CDYL: variants seen among roughly 807,000 people sequenced by gnomAD.
CDYL encodes chromodomain Y like.
Under a neutral mutation model 47.3 loss-of-function variants are expected in CDYL, and 8 were observed. The observed-to-expected ratio is 0.17, with a 90% confidence interval of 0.10 to 0.31. The LOEUF (loss-of-function observed/expected upper bound fraction) is 0.31, where lower values mean the gene tolerates loss of function less well. Ranked by LOEUF, CDYL falls within the 10% of genes least tolerant of loss-of-function variation. The probability of loss-of-function intolerance (pLI) is 1.00; values close to 1 mark genes in which losing one functional copy is unlikely to be tolerated. For synonymous variants in CDYL, 266 were observed against 265.0 expected, an observed-to-expected ratio of 1.00 and a Z score of -0.04; for missense variants, 471 against 701.4, an observed-to-expected ratio of 0.67 and a Z score of 3.71.
rs113909478 is a variant in CDYL, at chr6:4,860,282, G to A, written c.25-31431G>A. Among the ~76,000 whole-genome samples the A allele has an allele frequency of 3.5e-4, 53 of 151,938 alleles. No individual in the cohort carries two copies. The East Asian group carries it at 9.3e-3, about 27-fold the overall frequency. ...ACTGTGACTTTAGTGTTAACGTTTC[G>A]TTACGTGTGTAATGCATATGATTGT... On this transcript the variant is annotated intron_variant, in intron 1 of 6. Transcript: ENST00000397588.
At position 4,954,110 on chromosome 6, in the gene CDYL, C is replaced by T. The variant is rs1758797028; in HGVS notation, c.*54C>T. The T allele has an allele frequency of 6.4e-7, 1 of 1,558,164 alleles. No individual in the cohort carries two copies. Among genetic ancestry groups the T allele is most frequent in the Middle Eastern group, 1.7e-4 (1 of 5,832 alleles). On this transcript the variant is annotated 3_prime_UTR_variant, in exon 7 of 7. Transcript: ENST00000397588. ...GATCGGGCTGAGCAGGAGAACATCA[C>T]CGGCTCCAGTTCCCCTGATCCATTC...
intron 2 of CDYL, among the ~76,000 whole-genome samples, chr6:4,716,573 C>T (rs1015436404): frequency 4.7e-5 from 7 of 148,892 alleles, no homozygotes; most frequent in Non-Finnish European, 7.4e-5. Flanking sequence ...TGTTTACAAG[C>T]GTCAGAGAAG....
chr6:4,844,816 T>A (rs9504269), intron 1 of CDYL, among the ~76,000 whole-genome samples: 4,041 of 152,292 alleles, frequency 0.027, 111 homozygotes, highest in East Asian at 0.099. Flanking sequence ...GTTGTTTTTT[T>A]AATGAGATGT....
intron 2 of CDYL, among the ~76,000 whole-genome samples, chr6:4,898,741 C>G (rs1762358471): frequency 6.6e-6 from 1 of 152,186 alleles, no homozygotes; most frequent in African/African-American, 2.4e-5. Context: ...AGAAGATGCT[C>G]TTGTCCAGCT....
chr6:4,875,524 A>G (rs1761596438), intron 1 of CDYL, among the ~76,000 whole-genome samples: 1 of 152,076 alleles, frequency 6.6e-6, no homozygotes, highest in African/African-American at 2.4e-5. Context: ...CTTATTTCTA[A>G]TATTTTGGCT....
chr6:4,806,881 A>G (rs759246742), intron 1 of CDYL, among the ~76,000 whole-genome samples: 6 of 152,192 alleles, frequency 3.9e-5, no homozygotes, highest in Non-Finnish European at 5.9e-5. Context: ...ACACAAACCA[A>G]GTGGCTCAGG....
At chr6:4,911,928 T>C (rs1018407914) in intron 2 of CDYL, among the ~76,000 whole-genome samples, 3 of 152,144 alleles carry the variant, frequency 2.0e-5, no homozygotes, top group Non-Finnish European at 4.4e-5. Flanking sequence ...AACGCTGGGA[T>C]AGTTTCAGAG....
intron 2 of CDYL, among the ~76,000 whole-genome samples, chr6:4,718,849 G>T (rs569554529): frequency 6.6e-6 from 1 of 150,818 alleles, no homozygotes. Flanking sequence ...ATTCCTGCAG[G>T]ATATTCCAGT....
chr6:4,771,355 C>T (rs1230461133), intron 3 of CDYL, among the ~76,000 whole-genome samples: 1 of 152,180 alleles, frequency 6.6e-6, no homozygotes, highest in Non-Finnish European at 1.5e-5. Context: ...CTCAGGTGAT[C>T]CACCTGCCTT....
At chr6:4,893,290 G>A (rs1375910358) in intron 2 of CDYL, among the ~76,000 whole-genome samples, 4 of 152,290 alleles carry the variant, frequency 2.6e-5, no homozygotes, top group South Asian at 2.1e-4. Flanking sequence ...CCTCTGGCTC[G>A]CTCTCTCTGT....
At chr6:4,903,007 A>G (rs887129042) in intron 2 of CDYL, among the ~76,000 whole-genome samples, 1 of 152,224 alleles carries the variant, frequency 6.6e-6, no homozygotes, top group Admixed American at 6.5e-5. Context: ...GTTTACACAC[A>G]TTAGGGGCTT....
intron 1 of CDYL, among the ~76,000 whole-genome samples, chr6:4,852,679 A>G (rs1314457177): frequency 1.3e-5 from 2 of 151,964 alleles, no homozygotes; most frequent in Admixed American, 6.6e-5. Context: ...ATAAGCAAAG[A>G]TTTAACATTT....
chr6:4,933,719 C>G (rs1758099833), intron 2 of CDYL, among the ~76,000 whole-genome samples: 2 of 152,276 alleles, frequency 1.3e-5, no homozygotes. Flanking sequence ...CCTTTGCTGA[C>G]TGGTAACATC....
At chr6:4,941,457 G>T (rs1232374267) in intron 4 of CDYL, among the ~76,000 whole-genome samples, 4 of 152,170 alleles carry the variant, frequency 2.6e-5, no homozygotes, top group Non-Finnish European at 4.4e-5. Context: ...GCATCTCAGG[G>T]CTCACTATTC....
intron 1 of CDYL, among the ~76,000 whole-genome samples, chr6:4,838,615 T>G (rs1242075680): frequency 6.6e-6 from 1 of 152,226 alleles, no homozygotes; most frequent in Non-Finnish European, 1.5e-5. Context: ...TGCAAGTGTC[T>G]TTTTCATATA....
In CDYL at chr6:4,943,481, A is replaced by G. The variant is rs373430007; in HGVS notation, c.1122-65A>G. 1.8e-4 allele frequency: 215 copies of G among 1,176,918 alleles called. No homozygotes were observed. In the African/African-American group the frequency reaches 3.1e-3, roughly 17 times the overall value. 72.9% of individuals were successfully genotyped at this position (1,176,918 alleles called of 1,614,324 possible). On this transcript the variant is annotated intron_variant, in intron 4 of 6. Coordinates refer to ENST00000397588, the MANE Select transcript of CDYL (RefSeq NM_004824.4). ...ACATCTTGGTAAATTGAATTCCATA[A>G]TAGACTTTTCCTTTGCTCAAATATG...
intron 3 of CDYL, among the ~76,000 whole-genome samples, chr6:4,744,392 G>A (rs1262285701): frequency 6.6e-6 from 1 of 152,136 alleles, no homozygotes; most frequent in African/African-American, 2.4e-5. Context: ...CTACTCAGGA[G>A]GCTGAGGCAG....
intron 3 of CDYL, among the ~76,000 whole-genome samples, chr6:4,741,889 C>T (rs2127417195): frequency 1.3e-5 from 2 of 151,930 alleles, no homozygotes; most frequent in Middle Eastern, 3.4e-3. Context: ...ATTTCCCATC[C>T]AGTTAGTGCA....
At chr6:4,839,889 T>C (rs150377324) in intron 1 of CDYL, among the ~76,000 whole-genome samples, 1 of 152,286 alleles carries the variant, frequency 6.6e-6, no homozygotes, top group East Asian at 1.9e-4. Flanking sequence ...TTAGTCTTGC[T>C]TTGGTTATGT....
Sources: allele counts gnomAD v4.1 joint callset (sites outside exome capture counted in the v4.1 genomes callset), GRCh38; gene constraint gnomAD v4.1.1; transcripts MANE v1.5; gene names NCBI Gene and HGNC (gene_info 2026-07-23, HGNC 2026-07-21).